Variants in MACROD2 observed in about 807,000 individuals in gnomAD.
The protein encoded by MACROD2 is mono-ADP ribosylhydrolase 2.
A neutral mutation model predicts 70.4 loss-of-function variants in MACROD2; 36 were observed. The ratio of observed to expected loss-of-function variants is 0.51; its 90% CI spans 0.39 to 0.68. The LOEUF is 0.68. MACROD2 is among the 30% of genes least tolerant of loss of function. The pLI is 0.00. For synonymous variants in MACROD2, 172 were observed against 178.8 expected (o/e 0.96, Z 0.30); for missense variants, 496 against 538.4 (o/e 0.92, Z 0.78).
chr20:14,347,640 G>T (rs1280752831), intron 3 of MACROD2, among the ~76,000 whole-genome samples: 1 of 152,118 alleles, frequency 6.6e-6, no homozygotes, highest in African/African-American at 2.4e-5. Context: ...CCACTTTTAA[G>T]TTTACAGGAG....
At position 15,064,315 on chromosome 20, in the gene MACROD2, C is replaced by G. The variant is rs565156352; in HGVS notation, c.419-165625C>G. Among the ~76,000 whole-genome samples the G allele has an allele frequency of 3.2e-4, 49 of 152,226 alleles. 1 individual carries two copies. Among genetic ancestry groups the G allele is most frequent in the Admixed American group, 2.5e-3 (39 of 15,302 alleles). The stretch of plus-strand genomic sequence containing the variant: ...GCAAAGCTAGAAGCTGCAAGGCCAC[C>G]CCAGAACCACCAAGCCCAGTGGAAC... On this transcript the variant is annotated intron_variant, in intron 5 of 17. Coordinates refer to ENST00000684519, the MANE Select transcript of MACROD2 (RefSeq NM_001351661.2).
chr20:14,661,895 G>A (rs934776022), intron 4 of MACROD2, among the ~76,000 whole-genome samples: 1 of 152,048 alleles, frequency 6.6e-6, no homozygotes, highest in Non-Finnish European at 1.5e-5. Context: ...ATCAGTGGTA[G>A]GATGGGAGGG....
At chr20:14,122,079 A>C (rs2054596316) in intron 3 of MACROD2, among the ~76,000 whole-genome samples, 1 of 152,180 alleles carries the variant, frequency 6.6e-6, no homozygotes, top group Non-Finnish European at 1.5e-5. Flanking sequence ...TTTTTGGATA[A>C]TACAGTCCTA....
chr20:14,755,735 T>C (rs760095024), intron 5 of MACROD2, among the ~76,000 whole-genome samples: 16 of 152,018 alleles, frequency 1.1e-4, no homozygotes, highest in Non-Finnish European at 2.2e-4. Flanking sequence ...TTTCTATGTC[T>C]ATTTTCCTTT....
At position 14,836,072 on chromosome 20, in the gene MACROD2, G is replaced by A. The variant is rs148449854; in HGVS notation, c.418+151113G>A. Among the ~76,000 whole-genome samples, 928 of 151,640 alleles carry A rather than the reference G, an allele frequency of 6.1e-3. 8 individuals are homozygous for A. The highest frequency in any genetic ancestry group is 0.01 in the Non-Finnish European group (698 of 67,856). On this transcript the variant is annotated intron_variant, in intron 5 of 17. Transcript: ENST00000684519. ...CCCCCAAAGAGTAGATTATTTGTAG[G>A]TATTAGACAAAAACAATCAAACAAA...
intron 3 of MACROD2, among the ~76,000 whole-genome samples, chr20:14,139,021 A>G (rs2054836654): frequency 6.6e-6 from 1 of 152,212 alleles, no homozygotes; most frequent in Non-Finnish European, 1.5e-5. Flanking sequence ...ATTTTCCTGG[A>G]TAATTTCATT....
intron 5 of MACROD2, among the ~76,000 whole-genome samples, chr20:15,007,692 A>C (rs1366566261): frequency 6.6e-6 from 1 of 152,210 alleles, no homozygotes; most frequent in African/African-American, 2.4e-5. Flanking sequence ...TGACTCCCGG[A>C]ACAAATACTC....
intron 13 of MACROD2, among the ~76,000 whole-genome samples, chr20:15,974,280 CAT>C (rs1372462458): frequency 1.3e-4 from 19 of 151,324 alleles, no homozygotes; most frequent in African/African-American, 4.7e-4. Context: ...AGAGATGAAA[CAT>C]AGAAATGAAA....
intron 8 of MACROD2, among the ~76,000 whole-genome samples, chr20:15,622,867 A>G (rs1290817740): frequency 6.6e-6 from 1 of 152,216 alleles, no homozygotes; most frequent in East Asian, 1.9e-4. Context: ...CCTAATTTAT[A>G]TAAATTAAAC....
chr20:15,421,299 G>A (rs1481030255), intron 6 of MACROD2, among the ~76,000 whole-genome samples: 1 of 151,936 alleles, frequency 6.6e-6, no homozygotes, highest in Non-Finnish European at 1.5e-5. Flanking sequence ...GATCACCTCA[G>A]CTCAGGGAGG....
intron 8 of MACROD2, among the ~76,000 whole-genome samples, chr20:15,772,144 A>G (rs982371071): frequency 3.4e-5 from 5 of 145,442 alleles, no homozygotes; most frequent in African/African-American, 7.5e-5. Flanking sequence ...TTTGTATTCA[A>G]TGAGGCCATA....
intron 5 of MACROD2, among the ~76,000 whole-genome samples, chr20:15,082,327 G>A (rs1568564071): frequency 6.6e-6 from 1 of 152,072 alleles, no homozygotes; most frequent in Non-Finnish European, 1.5e-5. Context: ...ACTTTTATAT[G>A]GTCAGATTGT....
intron 5 of MACROD2, among the ~76,000 whole-genome samples, chr20:14,964,433 C>T (rs111419920): frequency 0.048 from 7,220 of 151,892 alleles, 342 homozygotes; most frequent in African/African-American, 0.12. Context: ...ATTAGCCGGG[C>T]GTGGTGGCGG....
intron 10 of MACROD2, among the ~76,000 whole-genome samples, chr20:15,903,892 G>C (rs1568629637): frequency 6.6e-6 from 1 of 152,144 alleles, no homozygotes; most frequent in East Asian, 1.9e-4. Context: ...AATGATAATT[G>C]GTCACTTTTG....
chr20:14,641,305 C>T (rs1362912815), intron 4 of MACROD2, among the ~76,000 whole-genome samples: 1 of 152,160 alleles, frequency 6.6e-6, no homozygotes, highest in Non-Finnish European at 1.5e-5. Flanking sequence ...CTGTTTCCAC[C>T]ACATCTGCAG....
intron 5 of MACROD2, among the ~76,000 whole-genome samples, chr20:15,191,260 G>A (rs1284787055): frequency 1.3e-5 from 2 of 152,142 alleles, no homozygotes; most frequent in Non-Finnish European, 2.9e-5. Flanking sequence ...AGCCCCCAGT[G>A]GTTGAGGGTT....
At chr20:15,498,246 AAT>A (rs2047322266) in intron 7 of MACROD2, among the ~76,000 whole-genome samples, 1 of 152,212 alleles carries the variant, frequency 6.6e-6, no homozygotes, top group Non-Finnish European at 1.5e-5. Flanking sequence ...AAATGGGGAC[AAT>A]ATCTGTCTTT....
At chr20:15,683,434 G>A (rs573686291) in intron 8 of MACROD2, among the ~76,000 whole-genome samples, 2 of 152,082 alleles carry the variant, frequency 1.3e-5, no homozygotes, top group South Asian at 4.2e-4. Flanking sequence ...ATTGCTCATT[G>A]GAAAATAGAA....
chr20:16,003,649 T>A (rs1236301987), intron 15 of MACROD2, among the ~76,000 whole-genome samples: 1 of 152,104 alleles, frequency 6.6e-6, no homozygotes, highest in African/African-American at 2.4e-5. Flanking sequence ...GTTTAGTAGA[T>A]CTGGAGATGG....
Sources: allele counts gnomAD v4.1 joint callset (sites outside exome capture counted in the v4.1 genomes callset), GRCh38; gene constraint gnomAD v4.1.1; transcripts MANE v1.5; gene names NCBI Gene and HGNC (gene_info 2026-07-23, HGNC 2026-07-21).